Variants in CADPS2 observed in about 807,000 individuals in gnomAD.
CADPS2 encodes the protein calcium dependent secretion activator 2.
CADPS2 carries 93 observed loss-of-function variants against 172.5 expected under a neutral mutation model. The ratio of observed to expected loss-of-function variants is 0.54; its 90% CI spans 0.46 to 0.64. The LOEUF (loss-of-function observed/expected upper bound fraction) is 0.64. CADPS2 is among the 30% of genes least tolerant of loss of function. CADPS2 has a pLI of 0.00. For missense variants in CADPS2, 1,420 were observed against 1,565.9 expected, an observed-to-expected ratio of 0.91 and a Z score of 1.57; for synonymous variants, 546 against 555.2, an observed-to-expected ratio of 0.98 and a Z score of 0.23.
intron 3 of CADPS2, among the ~76,000 whole-genome samples, chr7:122,645,332 T>TAC (rs1164783984): frequency 1.9e-5 from 2 of 103,344 alleles, no homozygotes; most frequent in African/African-American, 6.6e-5. Context: ...TGTACATATA[T>TAC]ACACACATGT....
chr7:122,836,919 C>T (rs546684481), intron 1 of CADPS2, among the ~76,000 whole-genome samples: 1 of 152,214 alleles, frequency 6.6e-6, no homozygotes, highest in South Asian at 2.1e-4. Flanking sequence ...AGCTCTGCAC[C>T]AAGCGGACCT....
chr7:122,736,949 A>C lies in CADPS2; in HGVS notation c.453+6T>G. ...GAAAGCCAAAAACAAAGCTCTTCAA[A>C]CTTACCTCATAATAACTCCGAACTG... On this transcript the variant is annotated splice_donor_region_variant and intron_variant, in intron 2 of 29. Transcript: ENST00000449022. 6.6e-7 allele frequency: 1 copy of C among 1,521,692 alleles called. No homozygotes were observed. 94.3% of individuals were successfully genotyped at this position (1,521,692 alleles called of 1,614,324 possible). A position where few individuals can be genotyped will look rare whatever the true frequency, so the allele number is the denominator to read the frequency against.
intron 11 of CADPS2, among the ~76,000 whole-genome samples, chr7:122,481,162 CTTTTTTTTT>C (rs35352953): frequency 2.8e-5 from 3 of 107,546 alleles, no homozygotes; most frequent in Admixed American, 2.1e-4. Context: ...TTTCTTCATT[CTTTTTTTTT>C]TTTTTTTTTT....
chr7:122,441,089 A>C (rs1238002284), intron 16 of CADPS2, among the ~76,000 whole-genome samples: 1 of 152,208 alleles, frequency 6.6e-6, no homozygotes, highest in Non-Finnish European at 1.5e-5. Flanking sequence ...GAATGAATGA[A>C]ATGATATATT....
At chr7:122,393,673 G>T in intron 20 of CADPS2, 91 bp from the exon 21 acceptor site, 1 of 1,314,462 alleles carries the variant, frequency 7.6e-7, no homozygotes, top group Non-Finnish European at 1.1e-6. Flanking sequence ...TTCTGAGAGA[G>T]TCTGACACAG....
chr7:122,351,066 A>C (rs1363913001), intron 27 of CADPS2, among the ~76,000 whole-genome samples: 1 of 151,970 alleles, frequency 6.6e-6, no homozygotes, highest in East Asian at 1.9e-4. Flanking sequence ...AATGAAAAAA[A>C]ATCTCATTGT....
Position 122,799,737 on chromosome 7 carries a change from A to C in CADPS2, c.340-62669T>G, listed in dbSNP as rs188975885. ...TGAACAAGGAGATTAAAATGTTAAC[A>C]CTGGCACTCATATTAGTCAAAATAC... is the stretch of plus-strand genomic sequence containing the variant. On this transcript the variant is annotated intron_variant, in intron 1 of 29. Transcript: ENST00000449022. Among the ~76,000 whole-genome samples, 6 of 152,262 alleles carry C rather than the reference A, an allele frequency of 3.9e-5. No homozygotes were observed. The East Asian group carries it at 1.2e-3, about 29-fold the overall frequency.
At chr7:122,844,161 T>C (rs73718027) in intron 1 of CADPS2, among the ~76,000 whole-genome samples, 2,487 of 152,134 alleles carry the variant, frequency 0.016, 64 homozygotes, top group African/African-American at 0.056. Flanking sequence ...CACCTGGAGG[T>C]GAGACTGAAG....
At chr7:122,827,735 A>C (rs145089442) in intron 1 of CADPS2, among the ~76,000 whole-genome samples, 1 of 152,310 alleles carries the variant, frequency 6.6e-6, no homozygotes, top group Non-Finnish European at 1.5e-5. Context: ...CATTTTATGA[A>C]GGTGGCATTA....
At chr7:122,839,224 T>G (rs75195780) in intron 1 of CADPS2, among the ~76,000 whole-genome samples, 1 of 151,850 alleles carries the variant, frequency 6.6e-6, no homozygotes, top group African/African-American at 2.4e-5. Flanking sequence ...CTGGCTAGCC[T>G]TATGTAGACA....
At chr7:122,442,856 C>A (rs915866108) in intron 15 of CADPS2, among the ~76,000 whole-genome samples, 2 of 152,054 alleles carry the variant, frequency 1.3e-5, no homozygotes, top group African/African-American at 4.8e-5. Flanking sequence ...AATCTTGCTG[C>A]TACATACTCC....
chr7:122,650,381 C>T (rs922510325), intron 3 of CADPS2, among the ~76,000 whole-genome samples: 1 of 152,042 alleles, frequency 6.6e-6, no homozygotes, highest in Non-Finnish European at 1.5e-5. Context: ...TGAGAATAGA[C>T]TTTGAAGTAC....
chr7:122,812,255 T>A (rs1234015785), intron 1 of CADPS2, among the ~76,000 whole-genome samples: 1 of 151,922 alleles, frequency 6.6e-6, no homozygotes. Context: ...TAAAAAAAAA[T>A]AAGTAGCACT....
chr7:122,453,166 GACC>G (rs2053349166), intron 14 of CADPS2, among the ~76,000 whole-genome samples: 1 of 151,732 alleles, frequency 6.6e-6, no homozygotes, highest in Non-Finnish European at 1.5e-5. Context: ...ATAATATATC[GACC>G]ACATTTATTC....
intron 1 of CADPS2, among the ~76,000 whole-genome samples, chr7:122,817,656 C>T (rs1056515588): frequency 6.6e-6 from 1 of 151,906 alleles, no homozygotes; most frequent in African/African-American, 2.4e-5. Context: ...GGGGCAAGTA[C>T]CCCAATCCCT....
intron 27 of CADPS2, among the ~76,000 whole-genome samples, chr7:122,359,847 T>C (rs1006119750): frequency 1.1e-4 from 17 of 152,114 alleles, no homozygotes; most frequent in African/African-American, 4.1e-4. Flanking sequence ...GCCTTCTCAT[T>C]TAAAATACTC....
intron 14 of CADPS2, among the ~76,000 whole-genome samples, chr7:122,458,854 A>C (rs1302985240): frequency 6.6e-6 from 1 of 152,176 alleles, no homozygotes; most frequent in Non-Finnish European, 1.5e-5. Flanking sequence ...ATTCAAGAGA[A>C]AGAAATACCA....
intron 28 of CADPS2, chr7:122,328,421 A>G (rs1347544246): frequency 6.6e-6 from 1 of 152,202 alleles, no homozygotes; most frequent in Non-Finnish European, 1.5e-5. Flanking sequence ...TCACTTTGGA[A>G]AAGTTAATTT....
chr7:122,322,032 T>C (rs1214927930), intron 29 of CADPS2, among the ~76,000 whole-genome samples: 2 of 130,352 alleles, frequency 1.5e-5, no homozygotes. Flanking sequence ...TCAGAACCAG[T>C]GAGATAATTC....
Sources: allele counts gnomAD v4.1 joint callset (sites outside exome capture counted in the v4.1 genomes callset), GRCh38; gene constraint gnomAD v4.1.1; transcripts MANE v1.5; gene names NCBI Gene and HGNC (gene_info 2026-07-23, HGNC 2026-07-21).